The following SYBU variants were observed in gnomAD, a reference collection of about 807,000 sequenced individuals.
SYBU encodes syntabulin.
A neutral mutation model predicts 35.9 loss-of-function variants in SYBU; 21 were observed. That is an observed-to-expected ratio of 0.58 (90% CI 0.41 to 0.84). The LOEUF is 0.84. Ranked by LOEUF, SYBU falls within the 40% of genes least tolerant of loss-of-function variation. The pLI, the probability that SYBU is intolerant of heterozygous loss-of-function variation, is 0.00. For synonymous variants in SYBU, 319 were observed against 324.3 expected (o/e 0.98, Z 0.18); for missense variants, 768 against 848.2 (o/e 0.91, Z 1.17).
At position 109,575,571 on chromosome 8, in the gene SYBU, C is replaced by G. The variant is rs772224988; in HGVS notation, c.1327G>C (p.Asp443His). The G allele has an allele frequency of 6.2e-7, 1 of 1,614,140 alleles. No homozygotes were observed. Residue 443 changes from aspartate (D) to histidine (H), a missense_variant, in exon 7 of 7, where the codon GAT (aspartate) becomes CAT (histidine). Coordinates refer to ENST00000276646, the MANE Select transcript of SYBU (RefSeq NM_001099754.2). ...GTGGTGGTGGCTGTCACTATCTCAT[C>G]GAACAAATCTGTGCTGTTGGCTATG... ...DSIANSTDLF[D>H]EIVTATTTES...
chr8:109,628,859 A>T (rs1423626407), intron 2 of SYBU, among the ~76,000 whole-genome samples: 2 of 152,116 alleles, frequency 1.3e-5, no homozygotes, highest in African/African-American at 4.8e-5. Flanking sequence ...TTAATGAAGT[A>T]TACTCGATGA....
intron 2 of SYBU, among the ~76,000 whole-genome samples, chr8:109,632,948 C>T (rs537526528): frequency 1.3e-5 from 2 of 152,154 alleles, no homozygotes; most frequent in Admixed American, 6.5e-5. Flanking sequence ...TCTAGCTCAG[C>T]AACTAGAAAA....
At chr8:109,579,682 T>C in intron 5 of SYBU, 117 bp downstream of exon 5, 2 of 922,472 alleles carry the variant, frequency 2.2e-6, no homozygotes, top group East Asian at 5.1e-5. Context: ...AAAAATGCAG[T>C]GTCTTGTAGA....
intron 1 of SYBU, among the ~76,000 whole-genome samples, chr8:109,670,729 C>T (rs1586984964): frequency 6.6e-6 from 1 of 152,132 alleles, no homozygotes; most frequent in South Asian, 2.1e-4. Context: ...TTATTTCTGC[C>T]AGCATATCAG....
At chr8:109,665,365 A>T (rs1816717534) in intron 1 of SYBU, among the ~76,000 whole-genome samples, 1 of 152,190 alleles carries the variant, frequency 6.6e-6, no homozygotes, top group South Asian at 2.1e-4. Context: ...ACCACATTGG[A>T]CAGCACAGGT....
In SYBU at chr8:109,635,059, TC is replaced by T. The variant is rs548660523; in HGVS notation, c.229+7668del. ...TTTTTATTCTATTATCTGTTCCCCA[TC>T]CCAGTTAAACCCTTTAAAAAAGTTG... On this transcript the variant is annotated intron_variant, in intron 2 of 6. Coordinates refer to ENST00000276646, the MANE Select transcript of SYBU (RefSeq NM_001099754.2). Among the ~76,000 whole-genome samples the T allele has an allele frequency of 2.2e-4, 33 of 152,314 alleles. No homozygotes were observed. In the South Asian group the frequency reaches 6.6e-3, roughly 31 times the overall value.
chr8:109,606,981 A>C (rs1826133249), intron 3 of SYBU, among the ~76,000 whole-genome samples: 1 of 152,194 alleles, frequency 6.6e-6, no homozygotes, highest in African/African-American at 2.4e-5. Context: ...TTTTGTTTAG[A>C]GCTGCCAGAT....
upstream of SYBU, among the ~76,000 whole-genome samples, chr8:109,685,154 G>A (rs1157417180): frequency 6.6e-6 from 1 of 152,214 alleles, no homozygotes; most frequent in Admixed American, 6.5e-5. Flanking sequence ...CATTTGTAAA[G>A]AGGAAATTGT....
At chr8:109,649,516 G>A (rs1816026782), upstream of SYBU, among the ~76,000 whole-genome samples, 1 of 152,152 alleles carries the variant, frequency 6.6e-6, no homozygotes, top group Non-Finnish European at 1.5e-5. Flanking sequence ...CGACAAACGA[G>A]TGTTCAGTCA....
intron 1 of SYBU, chr8:109,644,111 G>C (rs916900128): frequency 1.1e-5 from 5 of 457,294 alleles, no homozygotes; most frequent in South Asian, 3.1e-5. Context: ...ATAAATTGAA[G>C]GGTAAACCTC....
intron 1 of SYBU, among the ~76,000 whole-genome samples, chr8:109,665,393 T>A (rs1030478062): frequency 2.0e-5 from 3 of 152,208 alleles, no homozygotes; most frequent in African/African-American, 7.2e-5. Flanking sequence ...TTAGCATAAA[T>A]CAGCTGGCTA....
intron 1 of SYBU, 96 bp from the exon 2 acceptor site, chr8:109,643,028 C>T (rs1815106451): frequency 1.4e-6 from 2 of 1,456,740 alleles, no homozygotes; most frequent in Non-Finnish European, 9.1e-7. Flanking sequence ...TAAGAAATCA[C>T]ATTTCTGAGT....
chr8:109,580,795 T>C, intron 4 of SYBU: 1 of 152,642 alleles, frequency 6.6e-6, no homozygotes. Flanking sequence ...CAAGGTCCAA[T>C]CCCACTACTC....
intron 3 of SYBU, among the ~76,000 whole-genome samples, chr8:109,607,182 A>G (rs1446136161): frequency 6.6e-6 from 1 of 152,220 alleles, no homozygotes; most frequent in Non-Finnish European, 1.5e-5. Flanking sequence ...TTACAACACT[A>G]CAAACCCAAC....
At position 109,612,912 on chromosome 8, in the gene SYBU, G is replaced by A. The variant is rs556038657; in HGVS notation, c.427+5930C>T. Reference sequence around the variant, plus strand: ...GGAGAATTGCTTGAACCTGGGAGGCGGAGGTTGCAGTGAGCTGAGACTGCG... The same window carrying A: ...GGAGAATTGCTTGAACCTGGGAGGCAGAGGTTGCAGTGAGCTGAGACTGCG... On this transcript the variant is annotated intron_variant, in intron 3 of 6. Transcript: ENST00000276646. Among the ~76,000 whole-genome samples, 66 of 151,296 alleles carry A rather than the reference G, an allele frequency of 4.4e-4. No homozygotes were observed. In the South Asian group the frequency reaches 7.9e-3, roughly 18 times the overall value.
chr8:109,656,556 A>T (rs1187917303), intron 1 of SYBU, among the ~76,000 whole-genome samples: 1 of 152,224 alleles, frequency 6.6e-6, no homozygotes, highest in Non-Finnish European at 1.5e-5. Context: ...GAAATGAACC[A>T]AACAATAATT....
chr8:109,668,096 G>C (rs1036874003), intron 1 of SYBU, among the ~76,000 whole-genome samples: 1 of 139,718 alleles, frequency 7.2e-6, no homozygotes, highest in Non-Finnish European at 1.5e-5. Context: ...CAAGTCACAA[G>C]TATTCAAGTT....
chr8:109,609,753 G>A (rs919581894), intron 3 of SYBU, among the ~76,000 whole-genome samples: 1 of 152,156 alleles, frequency 6.6e-6, no homozygotes, highest in African/African-American at 2.4e-5. Flanking sequence ...GACAGAGCAA[G>A]ACACTGTCTC....
In SYBU at chr8:109,691,517, G is replaced by A; in HGVS notation, c.-242C>T. 2.0e-6 allele frequency: 1 copy of A among 493,898 alleles called. No homozygotes were observed. The allele number at this position is 493,898 out of a possible 1,614,324, so 30.6% of individuals were successfully genotyped here. ...GCCCGCCTTAGCCCGGCTTGGACAC[G>A]TGGTGCCGCGGAATCCCTTGCGCTC... is the stretch of plus-strand genomic sequence containing the variant. On this transcript the variant is annotated 5_prime_UTR_variant, in exon 1 of 8. Coordinates refer to the SYBU transcript ENST00000422135. This position sits in a 1 kb window ranked among gnomAD's most constrained non-coding sequence, Gnocchi z 4.7.
Sources: gnomAD v4.1 joint callset for allele counts (sites outside exome capture counted in the v4.1 genomes callset) on GRCh38, gnomAD v4.1.1 for gene constraint, Gnocchi (gnomAD v3.1) non-coding constraint, MANE v1.5 for transcripts, NCBI Gene and HGNC (gene_info 2026-07-23, HGNC 2026-07-21) for gene names.